The following BABAM2 variants were observed in gnomAD, a reference collection of about 807,000 sequenced individuals.
BABAM2 encodes BRISC and BRCA1 A complex member 2, also known as BRISC and BRCA1-A complex member 2.
Under a neutral mutation model 54.7 loss-of-function variants are expected in BABAM2, and 31 were observed. The observed-to-expected ratio is 0.57, with a 90% confidence interval of 0.43 to 0.77. The LOEUF (loss-of-function observed/expected upper bound fraction) is 0.77, where lower values mean the gene tolerates loss of function less well. BABAM2 is among the 30% of genes least tolerant of loss of function. The probability of loss-of-function intolerance (pLI) is 0.00; values close to 1 mark genes in which losing one functional copy is unlikely to be tolerated. For synonymous variants in BABAM2, 167 were observed against 162.9 expected (o/e 1.03, Z -0.19); for missense variants, 364 against 455.8 (o/e 0.80, Z 1.83).
chr2:28,103,731 A>G (rs1440397337), intron 6 of BABAM2, among the ~76,000 whole-genome samples: 1 of 152,236 alleles, frequency 6.6e-6, no homozygotes. Context: ...TTGTTTCTCC[A>G]GAGAGCAACA....
Position 28,241,347 on chromosome 2 carries a change from C to A in BABAM2, c.805C>A (p.His269Asn), listed in dbSNP as rs746813255. Residue 269 changes from histidine to asparagine, a missense_variant, in exon 9 of 12, where the codon CAC becomes AAC. His to Asn is a moderately conservative substitution (Grantham distance 68). Coordinates refer to ENST00000379624, the MANE Select transcript of BABAM2 (RefSeq NM_199191.3). Reference protein sequence around the residue: ...NKVQYVIQGYHKRREYIAAFL... With the variant: ...NKVQYVIQGYNKRREYIAAFL... ...GGTGCAGTACGTGATTCAAGGGTAT[C>A]ACAAAAGAAGAGAGTATATTGCTGC... is the stretch of plus-strand genomic sequence containing the variant. 6.2e-7 allele frequency: 1 copy of A among 1,614,084 alleles called. No individual in the cohort carries two copies. The highest frequency in any genetic ancestry group is 1.1e-5 in the South Asian group (1 of 91,080).
rs148634851 is a variant in BABAM2, at chr2:28,202,506, T to C, written c.681-34696T>C. On this transcript the variant is annotated intron_variant, in intron 7 of 11. Coordinates refer to ENST00000379624, the MANE Select transcript of BABAM2 (RefSeq NM_199191.3). Reference sequence around the variant, plus strand: ...GTTGAGTAGGAAGTTCCCCAAAGAATAGAAAAATCTGCTTTAATTCCAACA... The same window carrying C: ...GTTGAGTAGGAAGTTCCCCAAAGAACAGAAAAATCTGCTTTAATTCCAACA... Among the ~76,000 whole-genome samples the C allele has an allele frequency of 5.8e-3, 887 of 152,302 alleles. 5 individuals are homozygous for C. Among genetic ancestry groups the C allele is most frequent in the Non-Finnish European group, 9.5e-3 (649 of 68,020 alleles).
At chr2:28,116,854 T>A (rs906616828) in intron 6 of BABAM2, among the ~76,000 whole-genome samples, 1 of 152,138 alleles carries the variant, frequency 6.6e-6, no homozygotes, top group Non-Finnish European at 1.5e-5. Flanking sequence ...GCATGTCATA[T>A]GGAAAAAAAA....
chr2:27,893,247 C>T (rs1336412995), intron 1 of BABAM2, among the ~76,000 whole-genome samples: 3 of 152,130 alleles, frequency 2.0e-5, no homozygotes, highest in South Asian at 2.1e-4. Context: ...AAGAAGAATT[C>T]GTGTACTCCC....
chr2:28,132,831 G>A (rs1670205341), intron 7 of BABAM2, among the ~76,000 whole-genome samples: 2 of 151,976 alleles, frequency 1.3e-5, no homozygotes, highest in African/African-American at 4.8e-5. Context: ...AAAATCTTTT[G>A]CTGAATTGCA....
At chr2:28,065,365 T>A (rs1418608684) in intron 6 of BABAM2, among the ~76,000 whole-genome samples, 9 of 152,214 alleles carry the variant, frequency 5.9e-5, no homozygotes, top group Non-Finnish European at 1.5e-5. Context: ...ACAGGTACTA[T>A]GGCTAGCAGC....
At chr2:27,929,751 GTTTAGTATCATAAACATGTGGGTT>G in intron 2 of BABAM2, 57 bp from the exon 3 acceptor site, 1 of 1,256,324 alleles carries the variant, frequency 8.0e-7, no homozygotes, top group African/African-American at 1.5e-5. Context: ...ATCCTGTTTT[GTTTAGTATCATAAACATGTGGGTT>G]TTTAAAGTTT....
chr2:28,274,761 G>A (rs1685725532), intron 10 of BABAM2, among the ~76,000 whole-genome samples: 1 of 152,206 alleles, frequency 6.6e-6, no homozygotes, highest in African/African-American at 2.4e-5. Flanking sequence ...AGAGCACCTT[G>A]AAGTCTGTGT....
Position 27,917,019 on chromosome 2 carries a change from T to C in BABAM2, c.129-12813T>C, listed in dbSNP as rs1667023315. ...ATAGCAATAATCACTCCAAACTTTTTTTTTTTTTTTTTTTTTTGTGACAGA... is the reference window on the plus strand; with the variant it reads ...ATAGCAATAATCACTCCAAACTTTTCTTTTTTTTTTTTTTTTTGTGACAGA... On this transcript the variant is annotated intron_variant, in intron 2 of 11. Transcript: ENST00000379624. 4.1e-5 allele frequency among the ~76,000 whole-genome samples: 6 copies of C among 147,286 alleles called. No individual in the cohort carries two copies. The South Asian group carries it at 1.3e-3, about 32-fold the overall frequency.
At chr2:28,209,579 G>A (rs1411778813) in intron 7 of BABAM2, among the ~76,000 whole-genome samples, 5 of 152,170 alleles carry the variant, frequency 3.3e-5, no homozygotes, top group African/African-American at 4.8e-5. Context: ...AGACTGTGAC[G>A]TATATGCTCT....
chr2:27,960,527 C>G (rs561941863), intron 3 of BABAM2, among the ~76,000 whole-genome samples: 1 of 152,106 alleles, frequency 6.6e-6, no homozygotes, highest in East Asian at 1.9e-4. Context: ...TTGTCTGTGT[C>G]GAGCTGTGCC....
intron 4 of BABAM2, among the ~76,000 whole-genome samples, chr2:28,001,652 G>A (rs975489419): frequency 1.3e-5 from 2 of 152,154 alleles, no homozygotes; most frequent in African/African-American, 2.4e-5. Flanking sequence ...GAAACATAGT[G>A]CTGGCATCTG....
chr2:28,277,247 A>G (rs947888881), intron 10 of BABAM2, among the ~76,000 whole-genome samples: 1 of 152,108 alleles, frequency 6.6e-6, no homozygotes, highest in Non-Finnish European at 1.5e-5. Flanking sequence ...CTGGGACTAC[A>G]GGTGCCCGCC....
intron 7 of BABAM2, among the ~76,000 whole-genome samples, chr2:28,236,450 GC>G (rs1421976730): frequency 6.7e-6 from 1 of 148,868 alleles, no homozygotes; most frequent in Admixed American, 6.8e-5. Context: ...TGCAATCTCC[GC>G]CTCCCAGGTT....
intron 7 of BABAM2, among the ~76,000 whole-genome samples, chr2:28,132,742 T>TAAA (rs1670198222): frequency 6.6e-6 from 1 of 152,220 alleles, no homozygotes; most frequent in Non-Finnish European, 1.5e-5. Flanking sequence ...TTTGTAACAC[T>TAAA]GAATTTATAT....
rs182384212 is a variant in BABAM2 at position 28,089,271 on chromosome 2, C to T, written c.571-40000C>T. ...ACATGGTACCTAGAGAAATAAAGCG[C>T]GGAAAGCCAAACCTATGGAAGAATA... On this transcript the variant is annotated intron_variant, in intron 6 of 11. Transcript: ENST00000379624. 2.4e-3 allele frequency among the ~76,000 whole-genome samples: 372 copies of T among 152,104 alleles called. 2 individuals are homozygous for T. Among genetic ancestry groups the T allele is most frequent in the African/African-American group, 8.5e-3 (353 of 41,506 alleles).
chr2:28,229,844 C>T (rs985581177), intron 7 of BABAM2, among the ~76,000 whole-genome samples: 6 of 152,178 alleles, frequency 3.9e-5, no homozygotes, highest in African/African-American at 1.4e-4. Context: ...GCCTTGGCCT[C>T]CCAAAGTGCT....
chr2:28,104,447 A>G (rs1667333068), intron 6 of BABAM2, among the ~76,000 whole-genome samples: 1 of 152,262 alleles, frequency 6.6e-6, no homozygotes, highest in African/African-American at 2.4e-5. Context: ...AATGCTCACC[A>G]TCACTGGCCA....
At chr2:28,234,085 C>T (rs572925583) in intron 7 of BABAM2, among the ~76,000 whole-genome samples, 5 of 152,258 alleles carry the variant, frequency 3.3e-5, no homozygotes, top group African/African-American at 1.2e-4. Flanking sequence ...TAACATATTT[C>T]AGCAGAAACA....
Sources: allele counts gnomAD v4.1 joint callset (sites outside exome capture counted in the v4.1 genomes callset), GRCh38; gene constraint gnomAD v4.1.1; transcripts MANE v1.5; gene names NCBI Gene and HGNC (gene_info 2026-07-23, HGNC 2026-07-21).